Variants in LTBP1 observed in about 807,000 individuals in gnomAD.
The protein encoded by LTBP1 is latent transforming growth factor beta binding protein 1, also known as latent-transforming growth factor beta-binding protein 1.
In LTBP1, 129 loss-of-function variants were observed where a neutral mutation model predicts 207.6. The observed-to-expected ratio is 0.62, with a 90% CI of 0.54 to 0.72. The LOEUF (loss-of-function observed/expected upper bound fraction) is 0.72. LTBP1 is among the 30% of genes least tolerant of loss of function. The pLI is 0.00. For synonymous variants in LTBP1, 963 were observed against 833.7 expected, an observed-to-expected ratio of 1.16 and a Z score of -2.67; for missense variants, 2,281 against 2,217.2, an observed-to-expected ratio of 1.03 and a Z score of -0.58.
At chr2:33,005,006 A>G (rs1686622758) in intron 2 of LTBP1, among the ~76,000 whole-genome samples, 1 of 152,002 alleles carries the variant, frequency 6.6e-6, no homozygotes, top group South Asian at 2.1e-4. Context: ...CACAGGATTC[A>G]TGAAGTTATT....
intron 2 of LTBP1, among the ~76,000 whole-genome samples, chr2:32,999,754 G>A (rs1685814794): frequency 7.5e-6 from 1 of 133,422 alleles, no homozygotes; most frequent in African/African-American, 2.6e-5. Flanking sequence ...GCTGGGCATG[G>A]TGGCGCCAAG....
intron 5 of LTBP1, among the ~76,000 whole-genome samples, chr2:33,156,605 T>C (rs2083998634): frequency 6.6e-6 from 1 of 152,224 alleles, no homozygotes; most frequent in African/African-American, 2.4e-5. Context: ...AATGTCCATA[T>C]ATAAGTATTA....
chr2:33,274,945 A>G lies in LTBP1; in HGVS notation c.2744-20A>G, dbSNP rs369966520. On this transcript the variant is annotated intron_variant, in intron 16 of 33. Coordinates refer to ENST00000404816, the MANE Select transcript of LTBP1 (RefSeq NM_206943.4). ...CTTGCTACACAGAACTAATATTTTT[A>G]TATGTATTTTTGTTAACAGATATTG... 1.9e-6 allele frequency: 3 copies of G among 1,611,712 alleles called. No homozygotes were observed. Among genetic ancestry groups the G allele is most frequent in the African/African-American group, 2.7e-5 (2 of 74,810 alleles).
intron 7 of LTBP1, among the ~76,000 whole-genome samples, chr2:33,192,019 G>A (rs1055463173): frequency 1.3e-5 from 2 of 152,126 alleles, no homozygotes; most frequent in African/African-American, 4.8e-5. Flanking sequence ...ACTGTTTGGA[G>A]GGTGGAGGAA....
chr2:33,245,198 A>G (rs1433890644), intron 10 of LTBP1, among the ~76,000 whole-genome samples: 1 of 152,060 alleles, frequency 6.6e-6, no homozygotes, highest in Non-Finnish European at 1.5e-5. Flanking sequence ...TTATTTTTTA[A>G]TGTGGCTTTG....
At chr2:33,087,971 C>T (rs112911480) in intron 3 of LTBP1, among the ~76,000 whole-genome samples, 112 of 152,248 alleles carry the variant, frequency 7.4e-4, no homozygotes, top group African/African-American at 2.0e-3. Context: ...AATTCTATTA[C>T]GTATAGTTAA....
At position 33,315,324 on chromosome 2, in the gene LTBP1, G is replaced by C. The variant is rs1042509966; in HGVS notation, c.3730+55G>C. On this transcript the variant is annotated intron_variant, in intron 24 of 33. Transcript: ENST00000404816. ...TGTGTGATAAAAGAGAGAGGAGATTGCTTTCACTTATACAAAGACTTGAAG... is the reference window on the plus strand; with the variant it reads ...TGTGTGATAAAAGAGAGAGGAGATTCCTTTCACTTATACAAAGACTTGAAG... The C allele has an allele frequency of 6.9e-6, 11 of 1,599,898 alleles. No individual in the cohort carries two copies. In the African/African-American group the frequency reaches 1.5e-4, roughly 22 times the overall value.
At chr2:33,144,772 A>G (rs995221831) in intron 5 of LTBP1, among the ~76,000 whole-genome samples, 11 of 152,250 alleles carry the variant, frequency 7.2e-5, no homozygotes, top group African/African-American at 2.7e-4. Flanking sequence ...TCTGTAGTAT[A>G]AAAGTCAAGT....
In LTBP1 at chr2:33,357,359, C is replaced by A. The variant is rs181410487; in HGVS notation, c.4001-3238C>A. On this transcript the variant is annotated intron_variant, in intron 26 of 33. Coordinates refer to ENST00000404816, the MANE Select transcript of LTBP1 (RefSeq NM_206943.4). ...CCCCAGCAGCAGAGATTATCTGCGG[C>A]CCTCTTCCCATTTATCTCAAAGATG... is the stretch of plus-strand genomic sequence containing the variant. Among the ~76,000 whole-genome samples the A allele has an allele frequency of 1.1e-4, 16 of 152,248 alleles. No individual in the cohort carries two copies. In the East Asian group the frequency reaches 3.1e-3, roughly 29 times the overall value.
intron 3 of LTBP1, among the ~76,000 whole-genome samples, chr2:33,095,552 C>A (rs2079337492): frequency 6.6e-6 from 1 of 151,884 alleles, no homozygotes; most frequent in Admixed American, 6.6e-5. Flanking sequence ...AATACTGTAC[C>A]TAATAATAAC....
intron 3 of LTBP1, among the ~76,000 whole-genome samples, chr2:33,056,834 G>A (rs1217609460): frequency 6.6e-6 from 1 of 152,042 alleles, no homozygotes; most frequent in Non-Finnish European, 1.5e-5. Flanking sequence ...CGGACGGGTT[G>A]CCACTGCTGG....
chr2:33,124,071 G>A (rs529438981), intron 4 of LTBP1, among the ~76,000 whole-genome samples: 1 of 152,220 alleles, frequency 6.6e-6, no homozygotes, highest in South Asian at 2.1e-4. Context: ...AATTTGTTAT[G>A]TGACTATAGA....
chr2:33,286,049 A>G (rs1230545694), intron 19 of LTBP1, among the ~76,000 whole-genome samples: 1 of 152,114 alleles, frequency 6.6e-6, no homozygotes, highest in Non-Finnish European at 1.5e-5. Flanking sequence ...CACCTTCACA[A>G]GGCAGAATAT....
intron 3 of LTBP1, among the ~76,000 whole-genome samples, chr2:33,031,991 TCTGTCTTGCACAGGGA>T (rs2075711103): frequency 6.6e-6 from 1 of 152,138 alleles, no homozygotes; most frequent in Non-Finnish European, 1.5e-5. Context: ...CTGTGGAGTG[TCTGTCTTGCACAGGGA>T]CTTGAGAGGA....
chr2:32,982,794 A>G (rs1028493620), intron 2 of LTBP1, among the ~76,000 whole-genome samples: 1 of 152,190 alleles, frequency 6.6e-6, no homozygotes, highest in Admixed American at 6.5e-5. Context: ...TCAAGAATTG[A>G]GGTTTGGGAA....
In LTBP1 at chr2:33,365,681, G is replaced by A. The variant is rs113125398; in HGVS notation, c.4711+178G>A. Among the ~76,000 whole-genome samples, 120 of 151,356 alleles carry A rather than the reference G, an allele frequency of 7.9e-4. 1 individual carries two copies. Among genetic ancestry groups the A allele is most frequent in the African/African-American group, 2.6e-3 (107 of 41,188 alleles). Reference sequence around the variant, plus strand: ...AGAACTGCATAAACATTTGGCTCCTGGTTTACCTCTACTCCCGACCCTGTC... The same window carrying A: ...AGAACTGCATAAACATTTGGCTCCTAGTTTACCTCTACTCCCGACCCTGTC... On this transcript the variant is annotated intron_variant, in intron 31 of 33. Transcript: ENST00000404816.
intron 31 of LTBP1, among the ~76,000 whole-genome samples, chr2:33,383,686 G>A (rs560714636): frequency 1.4e-4 from 21 of 152,072 alleles, no homozygotes; most frequent in African/African-American, 4.6e-4. Context: ...TCAGTGTGCC[G>A]CTATGCCCAG....
chr2:33,086,891 A>G (rs989332945), intron 3 of LTBP1, among the ~76,000 whole-genome samples: 1 of 149,966 alleles, frequency 6.7e-6, no homozygotes, highest in African/African-American at 2.4e-5. Context: ...ATATTTATTT[A>G]TTTTTTTTGG....
intron 3 of LTBP1, among the ~76,000 whole-genome samples, chr2:33,074,994 T>C (rs1309936883): frequency 6.6e-6 from 1 of 151,850 alleles, no homozygotes; most frequent in African/African-American, 2.4e-5. Flanking sequence ...GAGGTTGCAG[T>C]GAGCTGAGAT....
Sources: gnomAD v4.1 joint callset for allele counts (sites outside exome capture counted in the v4.1 genomes callset) on GRCh38, gnomAD v4.1.1 for gene constraint, MANE v1.5 for transcripts, NCBI Gene and HGNC (gene_info 2026-07-23, HGNC 2026-07-21) for gene names.